Variants in SPOCK3 observed in about 807,000 individuals in gnomAD.
SPOCK3 encodes testican-3.
Under a neutral mutation model 56.6 loss-of-function variants are expected in SPOCK3, and 30 were observed. The observed-to-expected ratio is 0.53, with a 90% CI of 0.40 to 0.72. SPOCK3 has a LOEUF of 0.72. Ranked by LOEUF, SPOCK3 falls within the 30% of genes least tolerant of loss-of-function variation. The pLI, the probability that SPOCK3 is intolerant of heterozygous loss-of-function variation, is 0.00. For missense variants in SPOCK3, 527 were observed against 530.0 expected (o/e 0.99, Z 0.06); for synonymous variants, 196 against 183.3 (o/e 1.07, Z -0.56).
At chr4:166,750,643 A>C (rs542487483) in intron 8 of SPOCK3, among the ~76,000 whole-genome samples, 1 of 152,294 alleles carries the variant, frequency 6.6e-6, no homozygotes, top group South Asian at 2.1e-4. Flanking sequence ...TAAAAACCCA[A>C]ACCCCTACAT....
intron 2 of SPOCK3, among the ~76,000 whole-genome samples, chr4:167,209,180 G>A (rs1734627496): frequency 6.6e-6 from 1 of 152,020 alleles, no homozygotes; most frequent in African/African-American, 2.4e-5. Flanking sequence ...TCTCGGACTG[G>A]GGTTCCTGTA....
intron 2 of SPOCK3, among the ~76,000 whole-genome samples, chr4:167,084,785 A>AG (rs1554033570): frequency 2.8e-3 from 1 of 356 alleles, no homozygotes; most frequent in Non-Finnish European, 8.9e-3. Context: ...ATAACCATCA[A>AG]GAATAATATT....
At chr4:167,229,943 T>A (rs933847761) in intron 2 of SPOCK3, among the ~76,000 whole-genome samples, 4 of 152,084 alleles carry the variant, frequency 2.6e-5, no homozygotes, top group African/African-American at 9.6e-5. Flanking sequence ...GAGCCCCAGG[T>A]ATTTTTATTG....
At chr4:167,218,283 G>A (rs1250113366) in intron 2 of SPOCK3, among the ~76,000 whole-genome samples, 1 of 152,102 alleles carries the variant, frequency 6.6e-6, no homozygotes, top group Middle Eastern at 3.2e-3. Flanking sequence ...CATTAACTTG[G>A]CCTCAGATGA....
intron 2 of SPOCK3, among the ~76,000 whole-genome samples, chr4:167,147,064 C>G (rs1029508225): frequency 1.3e-5 from 2 of 151,760 alleles, no homozygotes; most frequent in African/African-American, 4.8e-5. Context: ...AGACCACTAA[C>G]CAGACTAATA....
chr4:167,073,614 T>C (rs1333787809), intron 2 of SPOCK3, among the ~76,000 whole-genome samples: 3 of 151,936 alleles, frequency 2.0e-5, no homozygotes, highest in Admixed American at 6.6e-5. Context: ...GATTAATACC[T>C]GTGAATACCT....
At chr4:167,130,525 C>A (rs998909105) in intron 2 of SPOCK3, among the ~76,000 whole-genome samples, 2 of 151,996 alleles carry the variant, frequency 1.3e-5, no homozygotes, top group African/African-American at 4.8e-5. Flanking sequence ...CCTAATATGT[C>A]ATTTGTGAAA....
chr4:166,899,111 G>A (rs1735724831), intron 5 of SPOCK3, among the ~76,000 whole-genome samples: 1 of 151,848 alleles, frequency 6.6e-6, no homozygotes, highest in Non-Finnish European at 1.5e-5. Flanking sequence ...TCTGGCCCTT[G>A]ACTCTCACAC....
At chr4:167,181,209 G>A (rs1731424645) in intron 2 of SPOCK3, among the ~76,000 whole-genome samples, 1 of 152,052 alleles carries the variant, frequency 6.6e-6, no homozygotes, top group South Asian at 2.1e-4. Context: ...TCCTCCTTGA[G>A]TAATCTTCCC....
intron 2 of SPOCK3, among the ~76,000 whole-genome samples, chr4:167,206,251 G>A (rs1166354575): frequency 6.6e-6 from 1 of 152,026 alleles, no homozygotes; most frequent in South Asian, 2.1e-4. Flanking sequence ...TTGAACCCGG[G>A]AGTCGGGGGT....
intron 6 of SPOCK3, among the ~76,000 whole-genome samples, chr4:166,850,007 C>G (rs1437752445): frequency 6.6e-6 from 1 of 152,036 alleles, no homozygotes; most frequent in Non-Finnish European, 1.5e-5. Context: ...GATTGCTTCC[C>G]ACCTTTTAAA....
intron 2 of SPOCK3, among the ~76,000 whole-genome samples, chr4:167,064,061 G>T (rs1421387312): frequency 2.6e-5 from 4 of 151,718 alleles, no homozygotes; most frequent in Non-Finnish European, 5.9e-5. Context: ...GTATAAGGAA[G>T]AAAATGTAGC....
chr4:167,017,508 T>C (rs1051941126), intron 3 of SPOCK3, among the ~76,000 whole-genome samples: 3 of 152,062 alleles, frequency 2.0e-5, no homozygotes, highest in Admixed American at 1.3e-4. Flanking sequence ...GATAGATAAT[T>C]TGCAGTCTGT....
At chr4:167,163,757 T>C (rs1765522003) in intron 2 of SPOCK3, among the ~76,000 whole-genome samples, 1 of 152,128 alleles carries the variant, frequency 6.6e-6, no homozygotes, top group African/African-American at 2.4e-5. Context: ...ATGTGTTCTT[T>C]ATACCAGATT....
At chr4:167,098,322 C>T (rs1374542296) in intron 2 of SPOCK3, among the ~76,000 whole-genome samples, 1 of 151,956 alleles carries the variant, frequency 6.6e-6, no homozygotes, top group Non-Finnish European at 1.5e-5. Flanking sequence ...GCTAAGACTG[C>T]AGACTTATAG....
chr4:166,791,585 C>A (rs1741355645), intron 7 of SPOCK3, among the ~76,000 whole-genome samples: 1 of 152,018 alleles, frequency 6.6e-6, no homozygotes, highest in Admixed American at 6.5e-5. Context: ...TTATTCATAA[C>A]AAGTACCCTA....
intron 2 of SPOCK3, among the ~76,000 whole-genome samples, chr4:167,172,302 C>A (rs1386401585): frequency 6.6e-6 from 1 of 152,206 alleles, no homozygotes; most frequent in Non-Finnish European, 1.5e-5. Context: ...GACTTAATAT[C>A]TCTCTTTACA....
intron 2 of SPOCK3, among the ~76,000 whole-genome samples, chr4:167,074,868 T>A (rs1232624444): frequency 6.6e-6 from 1 of 151,852 alleles, no homozygotes; most frequent in Non-Finnish European, 1.5e-5. Flanking sequence ...CTTTAAAAAA[T>A]TTTCATGGAT....
intron 2 of SPOCK3, among the ~76,000 whole-genome samples, chr4:167,205,902 T>A (rs1276418667): frequency 6.6e-6 from 1 of 151,680 alleles, no homozygotes; most frequent in East Asian, 1.9e-4. Context: ...AGCCACCGCA[T>A]CCAGCCCCAA....
Sources: gnomAD v4.1 joint callset for allele counts (sites outside exome capture counted in the v4.1 genomes callset) on GRCh38, gnomAD v4.1.1 for gene constraint, MANE v1.5 for transcripts, NCBI Gene and HGNC (gene_info 2026-07-23, HGNC 2026-07-21) for gene names.